GFRAL: variants seen among roughly 807,000 people sequenced by gnomAD.
The protein encoded by GFRAL is GDNF family receptor alpha-like.
In GFRAL, 36 loss-of-function variants were observed where a neutral mutation model predicts 45.4. The observed-to-expected ratio is 0.79, with a 90% confidence interval of 0.61 to 1.05. GFRAL has a LOEUF of 1.05. Among genes scored for constraint, GFRAL ranks in the 50% least tolerant of loss-of-function variants. The probability of loss-of-function intolerance (pLI) is 0.00; values close to 1 mark genes in which losing one functional copy is unlikely to be tolerated. For missense variants in GFRAL, 507 were observed against 467.5 expected, an observed-to-expected ratio of 1.08 and a Z score of -0.78; for synonymous variants, 166 against 154.1, an observed-to-expected ratio of 1.08 and a Z score of -0.57.
chr6:55,337,256 T>C (rs948834102), intron 3 of GFRAL, among the ~76,000 whole-genome samples: 2 of 152,148 alleles, frequency 1.3e-5, no homozygotes, highest in African/African-American at 4.8e-5. Flanking sequence ...CAGCCCTTCA[T>C]TTCAAGGCTA....
intron 3 of GFRAL, among the ~76,000 whole-genome samples, chr6:55,335,315 T>A (rs1264764627): frequency 1.3e-5 from 2 of 152,190 alleles, no homozygotes; most frequent in Non-Finnish European, 2.9e-5. Flanking sequence ...TTAAAATTGG[T>A]GTTTGGTTAT....
rs1157409946 is a variant in GFRAL at position 55,372,181 on chromosome 6, C to T, written c.952+13043C>T. 2.6e-5 allele frequency among the ~76,000 whole-genome samples: 4 copies of T among 152,180 alleles called. No homozygotes were observed. The East Asian group carries it at 7.7e-4, about 29-fold the overall frequency. On this transcript the variant is annotated intron_variant, in intron 6 of 8. Coordinates refer to ENST00000340465, the MANE Select transcript of GFRAL (RefSeq NM_207410.2). Reference sequence around the variant, plus strand: ...TCCTCTGATCACCCTGAATGCTCCTCTTATTTCTACTTTGTAGGCTTATCC... The same window carrying T: ...TCCTCTGATCACCCTGAATGCTCCTTTTATTTCTACTTTGTAGGCTTATCC...
At chr6:55,357,453 C>T (rs967590541) in intron 5 of GFRAL, among the ~76,000 whole-genome samples, 1 of 151,624 alleles carries the variant, frequency 6.6e-6, no homozygotes. Flanking sequence ...TTCTTGAAAT[C>T]TATTTTGTCT....
intron 6 of GFRAL, among the ~76,000 whole-genome samples, chr6:55,369,454 T>C (rs1163034991): frequency 2.0e-5 from 3 of 152,236 alleles, no homozygotes; most frequent in African/African-American, 7.2e-5. Flanking sequence ...TATTCGGCCA[T>C]CTTGGCTCCT....
At chr6:55,387,892 T>A (rs1453571600) in intron 6 of GFRAL, among the ~76,000 whole-genome samples, 1 of 152,216 alleles carries the variant, frequency 6.6e-6, no homozygotes, top group African/African-American at 2.4e-5. Context: ...ACCATTACTC[T>A]TTGGAAAGCA....
chr6:55,395,820 C>A (rs1768817858), intron 6 of GFRAL, among the ~76,000 whole-genome samples: 1 of 151,592 alleles, frequency 6.6e-6, no homozygotes, highest in South Asian at 2.1e-4. Flanking sequence ...TAATGCTCAC[C>A]TCTCCATAGC....
chr6:55,345,600 A>C (rs1471970305), intron 3 of GFRAL, among the ~76,000 whole-genome samples: 1 of 152,166 alleles, frequency 6.6e-6, no homozygotes, highest in Non-Finnish European at 1.5e-5. Context: ...CCTAGAAGAA[A>C]ACCTAGGCAA....
chr6:55,394,709 A>G lies in GFRAL; in HGVS notation c.953-4471A>G, dbSNP rs141510693. On this transcript the variant is annotated intron_variant, in intron 6 of 8. Coordinates refer to ENST00000340465, the MANE Select transcript of GFRAL (RefSeq NM_207410.2). ...GAGAAAGGAGGGAGAACTAGAGGTA[A>G]CAAAATGGTTCCTGAGTCGTCAGCT... is the stretch of plus-strand genomic sequence containing the variant. Among the ~76,000 whole-genome samples, 438 of 152,186 alleles carry G rather than the reference A, an allele frequency of 2.9e-3. 3 individuals carry two copies. The highest frequency in any genetic ancestry group is 0.01 in the African/African-American group (420 of 41,534).
intron 1 of GFRAL, among the ~76,000 whole-genome samples, chr6:55,328,574 T>A (rs751057348): frequency 5.1e-4 from 77 of 152,048 alleles, no homozygotes; most frequent in Admixed American, 9.2e-4. Flanking sequence ...TAATTATTCC[T>A]AAAATATTTT....
At position 55,398,334 on chromosome 6, in the gene GFRAL, C is replaced by A. The variant is rs566126839; in HGVS notation, c.953-846C>A. Among the ~76,000 whole-genome samples the A allele has an allele frequency of 3.9e-5, 6 of 152,236 alleles. No individual in the cohort carries two copies. The East Asian group carries it at 9.6e-4, about 24-fold the overall frequency. ...GACCGCAACCTCTCTAAAATGGGAG[C>A]TTTATCTCATTTTTCTTACTGCCTC... On this transcript the variant is annotated intron_variant, in intron 6 of 8. Coordinates refer to ENST00000340465, the MANE Select transcript of GFRAL (RefSeq NM_207410.2).
chr6:55,383,709 T>C lies in GFRAL; in HGVS notation c.953-15471T>C, dbSNP rs561555020. Among the ~76,000 whole-genome samples the C allele has an allele frequency of 5.9e-5, 9 of 152,088 alleles. No homozygotes were observed. In the East Asian group the frequency reaches 1.7e-3, roughly 30 times the overall value. On this transcript the variant is annotated intron_variant, in intron 6 of 8. Coordinates refer to ENST00000340465, the MANE Select transcript of GFRAL (RefSeq NM_207410.2). ...TCATTAAGCTACACATGATTGTACA[T>C]ACCTTCCTGCCGTCTACTGGGAAAT...
At chr6:55,345,682 A>G (rs189738291) in intron 3 of GFRAL, among the ~76,000 whole-genome samples, 27 of 152,344 alleles carry the variant, frequency 1.8e-4, no homozygotes, top group Non-Finnish European at 3.5e-4. Context: ...ACAAAAGCCA[A>G]AATTGACAAA....
At chr6:55,389,903 G>A (rs1032139146) in intron 6 of GFRAL, among the ~76,000 whole-genome samples, 2 of 152,150 alleles carry the variant, frequency 1.3e-5, no homozygotes, top group Non-Finnish European at 2.9e-5. Context: ...TGACTGACGT[G>A]GAATAATTTA....
rs1414579469 is a variant in GFRAL at position 55,351,336 on chromosome 6, C to G, written c.454C>G (p.Leu152Val). 6.2e-7 allele frequency: 1 copy of G among 1,613,616 alleles called. No homozygotes were observed. The highest frequency in any genetic ancestry group is 1.1e-5 in the South Asian group (1 of 91,072). The change falls in exon 5 of 9, where the codon CTT becomes GTT. Residue 152 changes from leucine to valine, a missense_variant. By Grantham distance (32) the Leu-to-Val change is conservative. Coordinates refer to ENST00000340465, the MANE Select transcript of GFRAL (RefSeq NM_207410.2). ...VVCNAQLASY[L>V]KACSANGNPC... ...CTGTAATGCACAGTTGGCCTCTTACCTTAAAGCTTGCTCAGCAAATGGAAA... is the reference window on the plus strand; with the variant it reads ...CTGTAATGCACAGTTGGCCTCTTACGTTAAAGCTTGCTCAGCAAATGGAAA...
chr6:55,363,105 C>T (rs1413161361), intron 6 of GFRAL, among the ~76,000 whole-genome samples: 2 of 145,400 alleles, frequency 1.4e-5, no homozygotes, highest in Non-Finnish European at 3.0e-5. Flanking sequence ...TTAGTAAATT[C>T]TACAAGAGAT....
chr6:55,367,509 G>T (rs1341121520), intron 6 of GFRAL, among the ~76,000 whole-genome samples: 1 of 147,930 alleles, frequency 6.8e-6, no homozygotes, highest in African/African-American at 2.6e-5. Context: ...TATTTTGCTC[G>T]TTAGTTGATG....
intron 6 of GFRAL, among the ~76,000 whole-genome samples, chr6:55,395,493 AT>A (rs1219337439): frequency 6.6e-6 from 1 of 151,888 alleles, no homozygotes; most frequent in East Asian, 1.9e-4. Flanking sequence ...TTGTGAACTT[AT>A]TTTTTTCCCA....
chr6:55,335,328 C>T (rs1767877269), intron 3 of GFRAL, among the ~76,000 whole-genome samples: 1 of 152,016 alleles, frequency 6.6e-6, no homozygotes, highest in Admixed American at 6.6e-5. Flanking sequence ...TTGGTTATTG[C>T]ATTGAGTTTT....
At chr6:55,361,456 A>T (rs1581912215) in intron 6 of GFRAL, among the ~76,000 whole-genome samples, 2 of 152,060 alleles carry the variant, frequency 1.3e-5, no homozygotes, top group Non-Finnish European at 2.9e-5. Flanking sequence ...TATAAATGTC[A>T]TGTAAATTGT....
Sources: gnomAD v4.1 joint callset for allele counts (sites outside exome capture counted in the v4.1 genomes callset) on GRCh38, gnomAD v4.1.1 for gene constraint, MANE v1.5 for transcripts, NCBI Gene and HGNC (gene_info 2026-07-23, HGNC 2026-07-21) for gene names.